Variants in GLP2R observed in about 807,000 individuals in gnomAD.
GLP2R encodes glucagon like peptide 2 receptor.
GLP2R carries 59 observed loss-of-function variants against 68.2 expected under a neutral mutation model. The observed-to-expected ratio is 0.87, with a 90% CI of 0.70 to 1.07. The LOEUF (loss-of-function observed/expected upper bound fraction) is 1.07. GLP2R is among the 50% of genes least tolerant of loss of function. The probability of loss-of-function intolerance (pLI) is 0.00; values close to 1 mark genes in which losing one functional copy is unlikely to be tolerated. For missense variants in GLP2R, 548 were observed against 677.4 expected (o/e 0.81, Z 2.12); for synonymous variants, 270 against 265.4 (o/e 1.02, Z -0.17).
Position 9,889,445 on chromosome 17 carries a change from G to T in GLP2R, c.1402G>T (p.Gly468Trp). The change falls in exon 13 of 13, where the codon GGG (glycine) becomes TGG (tryptophan). Residue 468 changes from glycine (G) to tryptophan (W), a missense_variant. By Grantham distance (184) the Gly-to-Trp change is radical. Coordinates refer to ENST00000262441, the MANE Select transcript of GLP2R (RefSeq NM_004246.3). ...CTCAGGCTGCAGAGCCTGTGTCCTG[G>T]GGAAGGACTTCCGGTTCCTAGGAAA... The part of the protein sequence containing the change: ...RHSGCRACVL[G>W]KDFRFLGKCP... 1.2e-6 allele frequency: 2 copies of T among 1,614,092 alleles called. No homozygotes were observed. Among genetic ancestry groups the T allele is most frequent in the Non-Finnish European group, 1.7e-6 (2 of 1,179,908 alleles).
At chr17:9,871,993 G>A (rs1346940334) in intron 10 of GLP2R, among the ~76,000 whole-genome samples, 1 of 152,138 alleles carries the variant, frequency 6.6e-6, no homozygotes, top group East Asian at 1.9e-4. Context: ...AAAGTGCTGG[G>A]ATTACAGGCG....
intron 3 of GLP2R, 151 bp downstream of exon 3, chr17:9,836,626 T>C: frequency 1.8e-6 from 1 of 542,880 alleles, no homozygotes; most frequent in South Asian, 2.6e-5. Flanking sequence ...TTTATGTATG[T>C]ATGTATATAT....
intron 6 of GLP2R, among the ~76,000 whole-genome samples, chr17:9,858,654 G>A (rs764467287): frequency 8.5e-5 from 13 of 152,176 alleles, no homozygotes; most frequent in Admixed American, 2.0e-4. Context: ...GATTAATTAC[G>A]AATCTAATAT....
chr17:9,888,875 C>T (rs539578589), intron 12 of GLP2R, among the ~76,000 whole-genome samples: 104 of 152,332 alleles, frequency 6.8e-4, no homozygotes, highest in African/African-American at 2.4e-3. Context: ...GGTGTTTTCT[C>T]CTGTCTTTAG....
chr17:9,879,335 T>C (rs2067172666), intron 10 of GLP2R, among the ~76,000 whole-genome samples: 1 of 125,578 alleles, frequency 8.0e-6, no homozygotes. Flanking sequence ...TAAAATAAAA[T>C]AAAATAAAAT....
rs575158442 is a variant in GLP2R, at chr17:9,833,768, G to T, written c.190-39G>T. On this transcript the variant is annotated intron_variant, in intron 1 of 12. Coordinates refer to ENST00000262441, the MANE Select transcript of GLP2R (RefSeq NM_004246.3). ...GAAGTGACAACAAGGCCACATCTGT[G>T]CTTGGTCACTGGGGGTGACCATGTT... 36 of 1,270,562 alleles carry T rather than the reference G, an allele frequency of 2.8e-5. No individual in the cohort carries two copies. In the South Asian group the frequency reaches 3.3e-4, roughly 12 times the overall value. The allele number at this position is 1,270,562 out of a possible 1,614,324, so 78.7% of individuals were successfully genotyped here. A position where few individuals can be genotyped will look rare whatever the true frequency, so the allele number is the denominator to read the frequency against.
chr17:9,863,937 G>A (rs2067009561), intron 9 of GLP2R, among the ~76,000 whole-genome samples: 5 of 152,226 alleles, frequency 3.3e-5, no homozygotes, highest in Admixed American at 2.6e-4. Flanking sequence ...TCTGGACCCT[G>A]AAAGGTTCTT....
chr17:9,880,267 A>G, intron 10 of GLP2R, 111 bp from the exon 11 acceptor site: 2 of 682,044 alleles, frequency 2.9e-6, no homozygotes, highest in Non-Finnish European at 2.5e-6. Context: ...CCATCTGGGA[A>G]ACAACTATCA....
At chr17:9,868,946 C>A (rs1053717676) in intron 9 of GLP2R, among the ~76,000 whole-genome samples, 1 of 152,156 alleles carries the variant, frequency 6.6e-6, no homozygotes, top group African/African-American at 2.4e-5. Context: ...AGGCAGATAT[C>A]CCATTAAAAG....
At chr17:9,843,492 G>A (rs2066807759) in intron 4 of GLP2R, among the ~76,000 whole-genome samples, 1 of 152,232 alleles carries the variant, frequency 6.6e-6, no homozygotes, top group Non-Finnish European at 1.5e-5. Context: ...CATGGTCTAT[G>A]CAGGCACTCC....
At chr17:9,854,421 C>T in intron 4 of GLP2R, 74 bp from the exon 5 acceptor site, 1 of 880,136 alleles carries the variant, frequency 1.1e-6, no homozygotes, top group Non-Finnish European at 1.9e-6. Flanking sequence ...CTTGGTGGCC[C>T]TGGGTGTGGA....
intron 9 of GLP2R, chr17:9,865,843 C>T (rs1302865696): frequency 2.1e-6 from 1 of 471,050 alleles, no homozygotes; most frequent in African/African-American, 2.0e-5. Flanking sequence ...GGCACTTGGA[C>T]TAGAGGAAAC....
chr17:9,844,454 G>A (rs1166244463), intron 4 of GLP2R, among the ~76,000 whole-genome samples: 1 of 151,884 alleles, frequency 6.6e-6, no homozygotes, highest in Non-Finnish European at 1.5e-5. Flanking sequence ...AGCGCCCAGG[G>A]GTGGAAGAAG....
Position 9,842,547 on chromosome 17 carries a change from G to T in GLP2R, c.435G>T (p.Thr145=), listed in dbSNP as rs145225948. 8 of 1,613,910 alleles carry T rather than the reference G, an allele frequency of 5.0e-6. No homozygotes were observed. Among genetic ancestry groups the T allele is most frequent in the Middle Eastern group, 1.6e-4 (1 of 6,080 alleles). Residue 145 remains threonine (T), a synonymous_variant, in exon 4 of 13, where the codon ACG becomes ACT. Coordinates refer to ENST00000262441, the MANE Select transcript of GLP2R (RefSeq NM_004246.3). Reference sequence around the variant, plus strand: ...GCTTGGCTCAGGGGACTTGGCAGACGATAGAGAACGCCACGGATATTTGGC... The same window carrying T: ...GCTTGGCTCAGGGGACTTGGCAGACTATAGAGAACGCCACGGATATTTGGC... ...RHCLAQGTWQ[T]IENATDIWQD... is the part of the protein sequence containing the mutation.
chr17:9,848,329 C>T (rs2066860279), intron 4 of GLP2R, among the ~76,000 whole-genome samples: 1 of 152,208 alleles, frequency 6.6e-6, no homozygotes, highest in African/African-American at 2.4e-5. Flanking sequence ...CCCCAAACCT[C>T]TGACCTAGTA....
chr17:9,865,982 T>G, intron 9 of GLP2R: 1 of 464,704 alleles, frequency 2.2e-6, no homozygotes. Context: ...TACAAGAAGA[T>G]AATCTGTCCT....
chr17:9,859,636 A>AATATATATAT lies in GLP2R; in HGVS notation c.766-298_766-289dup, dbSNP rs141072252. Among the ~76,000 whole-genome samples the AATATATATAT allele has an allele frequency of 5.6e-5, 8 of 143,104 alleles. No individual in the cohort carries two copies. The South Asian group carries it at 1.4e-3, about 25-fold the overall frequency. 93.9% of individuals were successfully genotyped at this position (143,104 alleles called of 152,430 possible). A position where few individuals can be genotyped will look rare whatever the true frequency, so the allele number is the denominator to read the frequency against. ...TGAAACCCTGTGTCTACTAAAAAAA[A>AATATATATAT]ATATATATATATATATACATACATA... is the stretch of plus-strand genomic sequence containing the variant. On this transcript the variant is annotated intron_variant, in intron 6 of 12. Transcript: ENST00000262441.
intron 4 of GLP2R, among the ~76,000 whole-genome samples, chr17:9,848,287 A>C (rs2066859845): frequency 6.6e-6 from 1 of 152,180 alleles, no homozygotes; most frequent in Non-Finnish European, 1.5e-5. Context: ...TTTGAGAACA[A>C]CAACAAAGTC....
At chr17:9,867,368 G>A (rs1113915) in intron 9 of GLP2R, among the ~76,000 whole-genome samples, 37,767 of 152,116 alleles carry the variant, frequency 0.25, 7,263 homozygotes, top group African/African-American at 0.52. Context: ...ATCCAGATGC[G>A]TCAGCAAACT....
Sources: allele counts gnomAD v4.1 joint callset (sites outside exome capture counted in the v4.1 genomes callset), GRCh38; gene constraint gnomAD v4.1.1; transcripts MANE v1.5; gene names NCBI Gene and HGNC (gene_info 2026-07-23, HGNC 2026-07-21).